Variants in KNDC1 observed in about 807,000 individuals in gnomAD.
KNDC1 encodes kinase non-catalytic C-lobe domain containing 1.
KNDC1 carries 106 observed loss-of-function variants against 172.8 expected under a neutral mutation model. The ratio of observed to expected loss-of-function variants is 0.61; its 90% CI spans 0.52 to 0.72. KNDC1 has a LOEUF of 0.72. KNDC1 is among the 30% of genes least tolerant of loss of function. KNDC1 has a pLI of 0.00. For synonymous variants in KNDC1, 1,083 were observed against 1,062.2 expected (o/e 1.02, Z -0.38); for missense variants, 2,325 against 2,394.5 (o/e 0.97, Z 0.61).
At chr10:133,190,922 A>T (rs1191475877) in intron 9 of KNDC1, among the ~76,000 whole-genome samples, 1 of 152,218 alleles carries the variant, frequency 6.6e-6, no homozygotes, top group East Asian at 1.9e-4. Flanking sequence ...TTCCTGTGGG[A>T]TCCCTTCAGG....
chr10:133,197,312 G>GC (rs146150329), intron 11 of KNDC1, among the ~76,000 whole-genome samples, 177 bp downstream of exon 11: 7,555 of 152,212 alleles, frequency 0.05, 220 homozygotes, highest in Non-Finnish European at 0.063. Flanking sequence ...CCATCTAAAG[G>GC]CCCCACAGTG....
intron 26 of KNDC1, among the ~76,000 whole-genome samples, chr10:133,214,392 C>T (rs908611591): frequency 2.6e-5 from 4 of 152,232 alleles, no homozygotes; most frequent in African/African-American, 7.2e-5. Flanking sequence ...GCCACTTCCA[C>T]AGCCACGTCC....
At position 133,198,739 on chromosome 10, in the gene KNDC1, A is replaced by G. The variant is rs755870993; in HGVS notation, c.2231A>G (p.Glu744Gly). ...CCGGGGCCACAGGGAGCAGCCCCAG[A>G]GCCTCTTGGGGCGTCAGTGCAGCGT... ...PGPGPQGAAP[E>G]PLGASVQRDS... The change falls in exon 14 of 30, where the codon GAG becomes GGG. Residue 744 changes from glutamate to glycine, a missense_variant. Coordinates refer to ENST00000304613, the MANE Select transcript of KNDC1 (RefSeq NM_152643.8). 3 of 1,579,062 alleles carry G rather than the reference A, an allele frequency of 1.9e-6. No individual in the cohort carries two copies. The highest frequency in any genetic ancestry group is 4.7e-5 in the East Asian group (2 of 42,930).
At position 133,163,284 on chromosome 10, in the gene KNDC1, A is replaced by AT. The variant is rs1379066332; in HGVS notation, c.102+2716dup. ...TCCCTGAGAGGCAGGCAGCACTATC[A>AT]TCCCTCCCAGAGTTCAGCAACTGCC... On this transcript the variant is annotated intron_variant, in intron 1 of 29. Coordinates refer to ENST00000304613, the MANE Select transcript of KNDC1 (RefSeq NM_152643.8). The surrounding 1 kb of genome is among the most constrained non-coding windows in gnomAD (Gnocchi z 4.4). Among the ~76,000 whole-genome samples, 10 of 152,182 alleles carry AT rather than the reference A, an allele frequency of 6.6e-5. No individual in the cohort carries two copies. The highest frequency in any genetic ancestry group is 2.2e-4 in the African/African-American group (9 of 41,436).
intron 9 of KNDC1, among the ~76,000 whole-genome samples, chr10:133,194,761 G>A (rs184487710): frequency 1.4e-4 from 22 of 152,318 alleles, no homozygotes; most frequent in Non-Finnish European, 2.6e-4. Context: ...AGCAGCAAAC[G>A]CTACAAATGT....
chr10:133,185,365 TACAGTGTGGAGTAG>T (rs1434160657), intron 5 of KNDC1, among the ~76,000 whole-genome samples: 30 of 103,956 alleles, frequency 2.9e-4, no homozygotes, highest in South Asian at 3.8e-4. Context: ...AGGCAGTGTG[TACAGTGTGGAGTAG>T]GCAGTGTGTA....
intron 10 of KNDC1, 28 bp from the exon 11 acceptor site, chr10:133,197,030 G>A: frequency 6.3e-7 from 1 of 1,590,498 alleles, no homozygotes; most frequent in Non-Finnish European, 8.6e-7. Flanking sequence ...AGGCCTGTCG[G>A]GACGTGTGAA....
At chr10:133,188,402 C>T in intron 6 of KNDC1, 137 bp from the exon 7 acceptor site, 1 of 608,132 alleles carries the variant, frequency 1.6e-6, no homozygotes, top group Non-Finnish European at 3.0e-6. Flanking sequence ...CCTCCCTAGC[C>T]CTTCTATCAG....
Position 133,188,854 on chromosome 10 carries a change from G to A in KNDC1, c.1441+201G>A, listed in dbSNP as rs896232389. On this transcript the variant is annotated intron_variant, in intron 7 of 29. Transcript: ENST00000304613. The stretch of plus-strand genomic sequence containing the variant: ...CAGGGGCAGCCAGGACAGTGTCTCC[G>A]GTGAACGGAACAGGCGGCTCCCGTC... 1.2e-4 allele frequency among the ~76,000 whole-genome samples: 18 copies of A among 151,460 alleles called. No individual in the cohort carries two copies. In the South Asian group the frequency reaches 2.3e-3, roughly 19 times the overall value.
At chr10:133,196,758 C>A (rs1467698227) in intron 10 of KNDC1, among the ~76,000 whole-genome samples, 1 of 152,158 alleles carries the variant, frequency 6.6e-6, no homozygotes, top group African/African-American at 2.4e-5. Context: ...GCGTGGGGCT[C>A]AGGCGAACGT....
intron 26 of KNDC1, 76 bp from the exon 27 acceptor site, chr10:133,218,755 T>C: frequency 6.5e-7 from 1 of 1,542,996 alleles, no homozygotes; most frequent in Non-Finnish European, 8.8e-7. Flanking sequence ...AGCTGGGTGA[T>C]TTTAACAGGT....
intron 2 of KNDC1, 121 bp from the exon 3 acceptor site, chr10:133,168,133 G>A (rs550079177): frequency 1.1e-5 from 9 of 833,152 alleles, no homozygotes; most frequent in South Asian, 1.1e-4. Context: ...ATGGTCTGGG[G>A]ACACCAGGTC....
At chr10:133,203,692 C>T (rs534430473) in intron 17 of KNDC1, among the ~76,000 whole-genome samples, 82 of 152,346 alleles carry the variant, frequency 5.4e-4, no homozygotes, top group Admixed American at 7.2e-4. Flanking sequence ...GCGTGGACAG[C>T]ACTGGTGTGG....
intron 29 of KNDC1, among the ~76,000 whole-genome samples, chr10:133,222,269 C>G (rs61860638): frequency 6.9e-6 from 1 of 144,826 alleles, no homozygotes. Flanking sequence ...GGCGATAGAG[C>G]GAGACTCCGT....
At chr10:133,183,202 C>T (rs1462102802) in intron 3 of KNDC1, 142 bp from the exon 4 acceptor site, 4 of 1,032,860 alleles carry the variant, frequency 3.9e-6, no homozygotes, top group African/African-American at 1.6e-5. Flanking sequence ...AGGGTGTGGG[C>T]AGCGTGGGCA....
At chr10:133,197,628 G>T (rs1294524504) in intron 11 of KNDC1, 47 bp from the exon 12 acceptor site, 2 of 1,448,432 alleles carry the variant, frequency 1.4e-6, no homozygotes, top group Non-Finnish European at 1.9e-6. Context: ...GCCGGCGCTG[G>T]CGGAGCTCCG....
intron 1 of KNDC1, among the ~76,000 whole-genome samples, chr10:133,166,514 G>A (rs911855011): frequency 6.6e-6 from 1 of 152,092 alleles, no homozygotes; most frequent in Non-Finnish European, 1.5e-5. Context: ...CATGTAGTAT[G>A]TGTGTGAGTG....
chr10:133,211,706 C>T lies in KNDC1; in HGVS notation c.4084C>T (p.His1362Tyr). ...KILPLDGSAK[H>Y]LLGLLEVGMD... Reference sequence around the variant, plus strand: ...CCTACCCCTGGACGGCTCTGCCAAGCACCTGCTGGGCCTCCTGGAGGTGGG... The same window carrying T: ...CCTACCCCTGGACGGCTCTGCCAAGTACCTGCTGGGCCTCCTGGAGGTGGG... Residue 1362 changes from histidine (H) to tyrosine (Y), a missense_variant, in exon 23 of 30, where the codon CAC (histidine) becomes TAC (tyrosine). By Grantham distance (83) the His-to-Tyr change is moderately conservative (BLOSUM62 2). Transcript: ENST00000304613. The T allele has an allele frequency of 6.2e-7, 1 of 1,604,158 alleles. No homozygotes were observed. Among genetic ancestry groups the T allele is most frequent in the South Asian group, 1.1e-5 (1 of 90,562 alleles).
chr10:133,196,338 G>A (rs1854190749), intron 10 of KNDC1, among the ~76,000 whole-genome samples: 2 of 152,142 alleles, frequency 1.3e-5, no homozygotes, highest in Non-Finnish European at 2.9e-5. Context: ...CCCGCACCCG[G>A]CATGGGGACC....
Sources: allele counts gnomAD v4.1 joint callset (sites outside exome capture counted in the v4.1 genomes callset), GRCh38; gene constraint gnomAD v4.1.1; non-coding constraint Gnocchi (gnomAD v3.1); transcripts MANE v1.5; gene names NCBI Gene and HGNC (gene_info 2026-07-23, HGNC 2026-07-21).